TTC29: variants seen among roughly 807,000 people sequenced by gnomAD.
TTC29 encodes tetratricopeptide repeat protein 29.
In TTC29, 49 loss-of-function variants were observed where a neutral mutation model predicts 58.1. That is an observed-to-expected ratio of 0.84 (90% CI 0.67 to 1.07). The LOEUF is 1.07. Ranked by LOEUF, TTC29 falls within the 50% of genes least tolerant of loss-of-function variation. The pLI is 0.00. For synonymous variants in TTC29, 209 were observed against 196.8 expected (o/e 1.06, Z -0.52); for missense variants, 582 against 555.6 (o/e 1.05, Z -0.48).
intron 6 of TTC29, among the ~76,000 whole-genome samples, chr4:146,893,261 T>C (rs145475949): frequency 0.64 from 96,801 of 151,530 alleles, 32,841 homozygotes; most frequent in African/African-American, 0.87. Context: ...GGAGGCATCA[T>C]GCTACCTGAC....
At chr4:146,909,884 G>A (rs528422733) in intron 4 of TTC29, among the ~76,000 whole-genome samples, 25 of 152,172 alleles carry the variant, frequency 1.6e-4, no homozygotes, top group African/African-American at 5.5e-4. Context: ...AGTGCCAGGC[G>A]CTGTTCTAGA....
intron 8 of TTC29, among the ~76,000 whole-genome samples, chr4:146,860,067 G>T (rs1316248534): frequency 1.3e-5 from 2 of 152,094 alleles, no homozygotes; most frequent in Non-Finnish European, 2.9e-5. Flanking sequence ...TTTTCGGTTT[G>T]TCAGTATTAA....
chr4:146,833,735 C>G (rs1728320521), intron 9 of TTC29, 71 bp downstream of exon 9: 1 of 1,257,208 alleles, frequency 8.0e-7, no homozygotes, highest in Non-Finnish European at 1.2e-6. Context: ...AGCGACAGAC[C>G]TCAAACAATT....
At chr4:146,747,280 T>C (rs1745616707) in intron 11 of TTC29, among the ~76,000 whole-genome samples, 1 of 152,150 alleles carries the variant, frequency 6.6e-6, no homozygotes, top group African/African-American at 2.4e-5. Context: ...CTGTACCATC[T>C]TGATACTGGA....
intron 7 of TTC29, 74 bp from the exon 8 acceptor site, chr4:146,867,657 T>A: frequency 1.5e-6 from 1 of 688,958 alleles, no homozygotes; most frequent in Non-Finnish European, 2.3e-6. Context: ...TCCTTGCTTT[T>A]CAAGACAGTA....
At chr4:146,910,437 C>T (rs772080472) in intron 4 of TTC29, among the ~76,000 whole-genome samples, 30 of 152,192 alleles carry the variant, frequency 2.0e-4, no homozygotes, top group Non-Finnish European at 4.1e-4. Context: ...AGTGACTAGA[C>T]TTGCATCTAC....
intron 9 of TTC29, among the ~76,000 whole-genome samples, chr4:146,820,490 G>A (rs1751742716): frequency 6.6e-6 from 1 of 151,996 alleles, no homozygotes; most frequent in African/African-American, 2.4e-5. Flanking sequence ...ACATCTTCTG[G>A]GGAAAACAGC....
chr4:146,815,003 A>G (rs1311565144), intron 10 of TTC29, among the ~76,000 whole-genome samples: 1 of 152,170 alleles, frequency 6.6e-6, no homozygotes, highest in Non-Finnish European at 1.5e-5. Flanking sequence ...GGTCAGAGAT[A>G]GGGGTGGGGC....
chr4:146,774,701 T>C (rs192171213), intron 11 of TTC29, among the ~76,000 whole-genome samples: 1 of 152,168 alleles, frequency 6.6e-6, no homozygotes, highest in Non-Finnish European at 1.5e-5. Flanking sequence ...TCTGTTGTTT[T>C]GGGTGGACAG....
intron 11 of TTC29, among the ~76,000 whole-genome samples, chr4:146,793,037 T>C (rs914611509): frequency 4.0e-5 from 6 of 151,574 alleles, no homozygotes; most frequent in Admixed American, 2.6e-4. Flanking sequence ...AAATGAGGAG[T>C]TGCTTCTTAT....
At chr4:146,773,281 T>C (rs1185780634) in intron 11 of TTC29, among the ~76,000 whole-genome samples, 2 of 152,156 alleles carry the variant, frequency 1.3e-5, no homozygotes, top group Non-Finnish European at 2.9e-5. Context: ...AGAGTAGGCA[T>C]CCTTGTCTTG....
At chr4:146,858,741 G>A (rs567417992) in intron 8 of TTC29, among the ~76,000 whole-genome samples, 2 of 152,160 alleles carry the variant, frequency 1.3e-5, no homozygotes, top group Admixed American at 1.3e-4. Flanking sequence ...TCCTGAGTTA[G>A]AGTAGGATTA....
intron 11 of TTC29, among the ~76,000 whole-genome samples, chr4:146,787,389 C>T (rs1749101912): frequency 6.6e-6 from 1 of 151,952 alleles, no homozygotes; most frequent in Admixed American, 6.6e-5. Context: ...AAATTGTATG[C>T]GTGTGTGTTT....
At position 146,760,821 on chromosome 4, in the gene TTC29, C is replaced by CTA. The variant is rs551615845; in HGVS notation, c.1330+42634_1330+42635dup. 6.9e-4 allele frequency among the ~76,000 whole-genome samples: 96 copies of CTA among 139,910 alleles called. No individual in the cohort carries two copies. In the Middle Eastern group the frequency reaches 0.012, roughly 17 times the overall value. The allele number at this position is 139,910 out of a possible 152,430, so 91.8% of individuals were successfully genotyped here. A position where few individuals can be genotyped will look rare whatever the true frequency, so the allele number is the denominator to read the frequency against. ...AATACTATATATATATGATGGAATA[C>CTA]TATATATATATATGATGGAATACTA... On this transcript the variant is annotated intron_variant, in intron 11 of 12. Coordinates refer to ENST00000325106, the MANE Select transcript of TTC29 (RefSeq NM_031956.4).
intron 11 of TTC29, among the ~76,000 whole-genome samples, chr4:146,717,038 C>T (rs1742985539): frequency 6.6e-6 from 1 of 152,142 alleles, no homozygotes; most frequent in South Asian, 2.1e-4. Flanking sequence ...TGCCTTTTAA[C>T]AGGATCCCAA....
At position 146,894,456 on chromosome 4, in the gene TTC29, C is replaced by G. The variant is rs1047131118; in HGVS notation, c.586+9088G>C. On this transcript the variant is annotated intron_variant, in intron 6 of 12. Coordinates refer to ENST00000325106, the MANE Select transcript of TTC29 (RefSeq NM_031956.4). Reference sequence around the variant, plus strand: ...CAAAAAACCAAACACCACATGTTCTCACTCATAGGTGGGAATTGAACAATG... The same window carrying G: ...CAAAAAACCAAACACCACATGTTCTGACTCATAGGTGGGAATTGAACAATG... 8.8e-4 allele frequency among the ~76,000 whole-genome samples: 131 copies of G among 148,988 alleles called. 3 individuals are homozygous for G. Among genetic ancestry groups the G allele is most frequent in the African/African-American group, 2.6e-3 (106 of 40,386 alleles).
At chr4:146,822,057 G>A (rs1347828988) in intron 9 of TTC29, among the ~76,000 whole-genome samples, 2 of 127,472 alleles carry the variant, frequency 1.6e-5, no homozygotes, top group Non-Finnish European at 3.2e-5. Flanking sequence ...TCTAAAGACC[G>A]AACCCACCTC....
At chr4:146,793,313 T>C (rs1413583834) in intron 11 of TTC29, among the ~76,000 whole-genome samples, 4 of 152,116 alleles carry the variant, frequency 2.6e-5, no homozygotes, top group Admixed American at 2.6e-4. Flanking sequence ...TTTAAGAAAT[T>C]ACCAGAGCCA....
intron 11 of TTC29, among the ~76,000 whole-genome samples, chr4:146,717,851 C>T (rs1440820159): frequency 6.6e-6 from 1 of 152,056 alleles, no homozygotes; most frequent in East Asian, 1.9e-4. Flanking sequence ...AAACCTTATT[C>T]CTCCTGTCTA....
Sources: allele counts gnomAD v4.1 joint callset (sites outside exome capture counted in the v4.1 genomes callset), GRCh38; gene constraint gnomAD v4.1.1; transcripts MANE v1.5; gene names NCBI Gene and HGNC (gene_info 2026-07-23, HGNC 2026-07-21).